Variants in RANBP17 observed in about 807,000 individuals in gnomAD.
RANBP17 encodes ran-binding protein 17.
RANBP17 carries 158 observed loss-of-function variants against 141.2 expected under a neutral mutation model. The observed-to-expected ratio is 1.12, with a 90% CI of 0.98 to 1.28. The LOEUF (loss-of-function observed/expected upper bound fraction) is 1.28. Ranked by LOEUF, RANBP17 falls within the 50% of genes most tolerant of loss-of-function variation. The probability of loss-of-function intolerance (pLI) is 0.00; values close to 1 mark genes in which losing one functional copy is unlikely to be tolerated. For missense variants in RANBP17, 1,438 were observed against 1,290.7 expected, an observed-to-expected ratio of 1.11 and a Z score of -1.75; for synonymous variants, 430 against 450.0, an observed-to-expected ratio of 0.96 and a Z score of 0.56.
intron 14 of RANBP17, among the ~76,000 whole-genome samples, chr5:170,972,175 ATTTT>A (rs5873248): frequency 3.2e-3 from 324 of 101,298 alleles, no homozygotes; most frequent in Middle Eastern, 0.013. Context: ...GATCTTTAGG[ATTTT>A]TTTTTTTTTT....
intron 15 of RANBP17, among the ~76,000 whole-genome samples, chr5:171,170,566 CATT>C (rs1210125557): frequency 4.6e-5 from 7 of 152,042 alleles, no homozygotes; most frequent in Admixed American, 6.6e-5. Flanking sequence ...AAATTGAAAT[CATT>C]GAGAGAGGTC....
intron 14 of RANBP17, among the ~76,000 whole-genome samples, chr5:171,049,189 G>C (rs1469271791): frequency 6.6e-6 from 1 of 152,094 alleles, no homozygotes; most frequent in African/African-American, 2.4e-5. Context: ...GGTGTGAGGA[G>C]GTATCCCATT....
intron 24 of RANBP17, chr5:171,252,544 C>T (rs540389196): frequency 4.3e-6 from 6 of 1,404,620 alleles, no homozygotes; most frequent in East Asian, 2.3e-5. Flanking sequence ...AGCACACAAA[C>T]GGAGGAAAGT....
At chr5:171,144,239 T>C (rs1757892379) in intron 14 of RANBP17, among the ~76,000 whole-genome samples, 1 of 151,916 alleles carries the variant, frequency 6.6e-6, no homozygotes, top group Non-Finnish European at 1.5e-5. Context: ...TGGTGTGCAC[T>C]ACTCCCAGTT....
chr5:170,870,787 A>G (rs908146737), intron 1 of RANBP17, among the ~76,000 whole-genome samples: 1 of 152,196 alleles, frequency 6.6e-6, no homozygotes, highest in Non-Finnish European at 1.5e-5. Flanking sequence ...GTCCTTGAGG[A>G]ATCACCACAC....
At chr5:171,141,053 A>G (rs1337054209) in intron 14 of RANBP17, among the ~76,000 whole-genome samples, 1 of 152,172 alleles carries the variant, frequency 6.6e-6, no homozygotes, top group Admixed American at 6.5e-5. Context: ...GTACTTACTC[A>G]TCTCTACCTG....
In RANBP17 at chr5:171,005,382, G is replaced by T. The variant is rs187501707; in HGVS notation, c.1710+37005G>T. Among the ~76,000 whole-genome samples the T allele has an allele frequency of 8.4e-3, 1,278 of 152,222 alleles. 7 individuals are homozygous for T. The highest frequency in any genetic ancestry group is 0.015 in the Non-Finnish European group (991 of 68,006). On this transcript the variant is annotated intron_variant, in intron 14 of 27. Coordinates refer to ENST00000523189, the MANE Select transcript of RANBP17 (RefSeq NM_022897.5). The stretch of plus-strand genomic sequence containing the variant: ...CAGTAACCAAAACAGCATGGTACTG[G>T]TATCAAAACAGAGATATAGACCAAT...
chr5:171,194,445 A>G (rs561594851), intron 18 of RANBP17, among the ~76,000 whole-genome samples: 3 of 152,296 alleles, frequency 2.0e-5, no homozygotes, highest in African/African-American at 7.2e-5. Flanking sequence ...ACATTAATAT[A>G]AATGGAATCA....
intron 14 of RANBP17, among the ~76,000 whole-genome samples, chr5:171,056,814 A>ATGG (rs1561600095): frequency 1.3e-5 from 2 of 151,528 alleles, no homozygotes; most frequent in African/African-American, 4.8e-5. Context: ...TAGCCAAATT[A>ATGG]TACCTCAAAA....
At chr5:170,863,864 T>A (rs1388769303) in intron 1 of RANBP17, among the ~76,000 whole-genome samples, 1 of 152,214 alleles carries the variant, frequency 6.6e-6, no homozygotes, top group East Asian at 1.9e-4. Context: ...ACATAAGTAC[T>A]TCACAGTACA....
chr5:170,914,473 C>G (rs1364701381), intron 8 of RANBP17, among the ~76,000 whole-genome samples: 1 of 152,096 alleles, frequency 6.6e-6, no homozygotes, highest in East Asian at 1.9e-4. Context: ...TGATTTAGCT[C>G]TTGCCCAGAG....
chr5:171,184,451 AG>A (rs1371033113), intron 18 of RANBP17, among the ~76,000 whole-genome samples: 2 of 152,196 alleles, frequency 1.3e-5, no homozygotes, highest in East Asian at 3.8e-4. Context: ...AGAACTAGAG[AG>A]TAGAATGGTG....
intron 26 of RANBP17, among the ~76,000 whole-genome samples, chr5:171,294,769 T>C (rs1001426041): frequency 9.9e-5 from 15 of 152,184 alleles, no homozygotes; most frequent in Non-Finnish European, 1.9e-4. Context: ...GTGATTTAAA[T>C]CCAAGCTCTA....
At chr5:171,150,083 CT>C (rs1758363578) in intron 14 of RANBP17, among the ~76,000 whole-genome samples, 1 of 152,168 alleles carries the variant, frequency 6.6e-6, no homozygotes, top group Non-Finnish European at 1.5e-5. Context: ...TCTGAACCAT[CT>C]GTTTTTATAT....
rs191331786 is a variant in RANBP17 at position 170,864,968 on chromosome 5, A to G, written c.18+2917A>G. On this transcript the variant is annotated intron_variant, in intron 1 of 27. Transcript: ENST00000523189. The stretch of plus-strand genomic sequence containing the variant: ...TTATGATTTATTGTGGATCTTCTGT[A>G]TGGCAGGCACTGGATTAGGCTTTCC... Among the ~76,000 whole-genome samples the G allele has an allele frequency of 3.3e-5, 5 of 152,326 alleles. No individual in the cohort carries two copies. The East Asian group carries it at 9.6e-4, about 29-fold the overall frequency.
At chr5:170,893,669 TGTA>T (rs1166239672) in intron 4 of RANBP17, among the ~76,000 whole-genome samples, 1 of 151,914 alleles carries the variant, frequency 6.6e-6, no homozygotes, top group Non-Finnish European at 1.5e-5. Context: ...GGCGGGCGCC[TGTA>T]GTCCCAGCTA....
intron 22 of RANBP17, among the ~76,000 whole-genome samples, chr5:171,232,526 A>G (rs1764264292): frequency 6.6e-6 from 1 of 152,104 alleles, no homozygotes; most frequent in African/African-American, 2.4e-5. Flanking sequence ...ATAAAATAAT[A>G]TACCCATGGG....
chr5:171,232,004 A>G (rs1183544798), intron 22 of RANBP17, among the ~76,000 whole-genome samples: 1 of 152,214 alleles, frequency 6.6e-6, no homozygotes, highest in Non-Finnish European at 1.5e-5. Context: ...ATTAAAAATT[A>G]TCTTTTAAGA....
At chr5:170,942,373 A>G (rs906851754) in intron 12 of RANBP17, among the ~76,000 whole-genome samples, 2 of 152,220 alleles carry the variant, frequency 1.3e-5, no homozygotes, top group African/African-American at 4.8e-5. Flanking sequence ...ATGCTCATCA[A>G]TATGAAGATG....
Sources: gnomAD v4.1 joint callset for allele counts (sites outside exome capture counted in the v4.1 genomes callset) on GRCh38, gnomAD v4.1.1 for gene constraint, MANE v1.5 for transcripts, NCBI Gene and HGNC (gene_info 2026-07-23, HGNC 2026-07-21) for gene names.